Variants in CNTNAP2 observed in about 807,000 individuals in gnomAD.
CNTNAP2 encodes contactin associated protein 2.
In CNTNAP2, 98 loss-of-function variants were observed where a neutral mutation model predicts 155.2. The ratio of observed to expected loss-of-function variants is 0.63; its 90% confidence interval spans 0.54 to 0.75. The LOEUF is 0.75. Among genes scored for constraint, CNTNAP2 ranks in the 30% least tolerant of loss-of-function variants. The pLI is 0.00. For synonymous variants in CNTNAP2, 651 were observed against 631.2 expected, an observed-to-expected ratio of 1.03 and a Z score of -0.47; for missense variants, 1,727 against 1,688.1, an observed-to-expected ratio of 1.02 and a Z score of -0.40.
intron 9 of CNTNAP2, among the ~76,000 whole-genome samples, chr7:147,393,060 A>ACCAAG (rs1281293130): frequency 2.0e-5 from 3 of 152,064 alleles, no homozygotes; most frequent in African/African-American, 7.2e-5. Flanking sequence ...GATCTCAGAG[A>ACCAAG]CCAAGTTGCA....
intron 12 of CNTNAP2, among the ~76,000 whole-genome samples, chr7:147,638,614 G>T (rs1310476925): frequency 2.0e-5 from 3 of 152,106 alleles, no homozygotes; most frequent in Admixed American, 1.3e-4. Flanking sequence ...TGCCTAAAAG[G>T]TCAGTGTGAA....
chr7:147,437,532 T>G (rs886081146), intron 10 of CNTNAP2, among the ~76,000 whole-genome samples: 2 of 152,116 alleles, frequency 1.3e-5, no homozygotes, highest in African/African-American at 4.8e-5. Flanking sequence ...TTGTTTTTGG[T>G]TTCTGAATTC....
intron 17 of CNTNAP2, among the ~76,000 whole-genome samples, chr7:148,153,168 C>T (rs1373680119): frequency 6.7e-6 from 1 of 149,166 alleles, no homozygotes; most frequent in African/African-American, 2.5e-5. Context: ...CTAGACTTTT[C>T]TTGCTGTGTG....
intron 1 of CNTNAP2, among the ~76,000 whole-genome samples, chr7:146,603,892 C>G (rs1008711884): frequency 7.0e-6 from 1 of 142,596 alleles, no homozygotes; most frequent in African/African-American, 2.6e-5. Context: ...GAAACTGGAT[C>G]CCTCCCTTAC....
chr7:146,299,821 T>G lies in CNTNAP2; in HGVS notation c.97+182848T>G, dbSNP rs117654743. ...CTTAAGTTAGAGATGAGAAAAAGCATGGGAGGCTACCTTCTGAATATTGAA... is the reference window on the plus strand; with the variant it reads ...CTTAAGTTAGAGATGAGAAAAAGCAGGGGAGGCTACCTTCTGAATATTGAA... On this transcript the variant is annotated intron_variant, in intron 1 of 23. Coordinates refer to ENST00000361727, the MANE Select transcript of CNTNAP2 (RefSeq NM_014141.6). Among the ~76,000 whole-genome samples, 441 of 152,202 alleles carry G rather than the reference T, an allele frequency of 2.9e-3. 8 individuals carry two copies. The East Asian group carries it at 0.057, about 20-fold the overall frequency.
chr7:147,634,066 G>T (rs977381948), intron 12 of CNTNAP2, among the ~76,000 whole-genome samples: 2 of 152,126 alleles, frequency 1.3e-5, no homozygotes, highest in African/African-American at 2.4e-5. Context: ...AAGAACTAAA[G>T]GTAGAGCTAC....
At chr7:147,134,982 C>G (rs2129285837) in intron 8 of CNTNAP2, among the ~76,000 whole-genome samples, 1 of 151,946 alleles carries the variant, frequency 6.6e-6, no homozygotes, top group Non-Finnish European at 1.5e-5. Flanking sequence ...AATATAGAGA[C>G]TCTCAGATAC....
At chr7:147,080,540 C>A (rs1800101509) in intron 4 of CNTNAP2, among the ~76,000 whole-genome samples, 1 of 151,456 alleles carries the variant, frequency 6.6e-6, no homozygotes, top group Admixed American at 6.6e-5. Context: ...AATCAAAAGG[C>A]CAATGATATC....
chr7:148,256,417 G>C (rs552015198), intron 20 of CNTNAP2, among the ~76,000 whole-genome samples: 21 of 152,064 alleles, frequency 1.4e-4, no homozygotes, highest in African/African-American at 5.1e-4. Context: ...GTCCAAGAAG[G>C]CTTCCTAACT....
At chr7:146,952,355 T>C (rs892607074) in intron 3 of CNTNAP2, among the ~76,000 whole-genome samples, 12 of 152,166 alleles carry the variant, frequency 7.9e-5, no homozygotes, top group African/African-American at 2.9e-4. Flanking sequence ...AGCATTCCAT[T>C]TGAAAACTGG....
At chr7:146,854,881 G>A (rs552491510) in intron 3 of CNTNAP2, among the ~76,000 whole-genome samples, 2 of 151,898 alleles carry the variant, frequency 1.3e-5, no homozygotes, top group South Asian at 4.2e-4. Flanking sequence ...TATTATTTTT[G>A]TTGTTGTTGT....
At chr7:146,572,608 T>C (rs1181974848) in intron 1 of CNTNAP2, among the ~76,000 whole-genome samples, 8 of 152,164 alleles carry the variant, frequency 5.3e-5, no homozygotes, top group African/African-American at 1.9e-4. Flanking sequence ...GACATGAACA[T>C]ATTCTCCAAA....
intron 10 of CNTNAP2, among the ~76,000 whole-genome samples, chr7:147,472,152 G>A (rs1798232163): frequency 6.7e-6 from 1 of 149,662 alleles, no homozygotes; most frequent in African/African-American, 2.5e-5. Flanking sequence ...ACATACAAGA[G>A]CTCATTTCTT....
chr7:147,864,102 G>A (rs967416470), intron 13 of CNTNAP2, among the ~76,000 whole-genome samples: 4 of 151,878 alleles, frequency 2.6e-5, no homozygotes, highest in African/African-American at 9.7e-5. Flanking sequence ...ATTAATTTTT[G>A]TATATGATGT....
At chr7:146,728,670 G>A (rs1801474599) in intron 1 of CNTNAP2, among the ~76,000 whole-genome samples, 1 of 150,000 alleles carries the variant, frequency 6.7e-6, no homozygotes, top group African/African-American at 2.4e-5. Context: ...ATTAAAACAT[G>A]TATTAACTAG....
chr7:147,733,625 A>G (rs1228977684), intron 13 of CNTNAP2, among the ~76,000 whole-genome samples: 1 of 152,176 alleles, frequency 6.6e-6, no homozygotes, highest in African/African-American at 2.4e-5. Context: ...GGCCATTTTC[A>G]TGATATTGAT....
At chr7:147,375,189 A>G (rs1796414599) in intron 9 of CNTNAP2, among the ~76,000 whole-genome samples, 1 of 151,928 alleles carries the variant, frequency 6.6e-6, no homozygotes, top group Non-Finnish European at 1.5e-5. Context: ...TCCTTTACAA[A>G]TTACCCAGTC....
chr7:147,940,504 A>G (rs1800700061), intron 14 of CNTNAP2, among the ~76,000 whole-genome samples: 1 of 151,614 alleles, frequency 6.6e-6, no homozygotes. Context: ...CATAAAAGAG[A>G]TTCTTTCATT....
At chr7:148,366,234 A>G (rs1461937411) in intron 21 of CNTNAP2, among the ~76,000 whole-genome samples, 1 of 148,942 alleles carries the variant, frequency 6.7e-6, no homozygotes, top group African/African-American at 2.6e-5. Flanking sequence ...ATATAGGTGT[A>G]TATGTGTATG....
Sources: allele counts gnomAD v4.1 joint callset (sites outside exome capture counted in the v4.1 genomes callset), GRCh38; gene constraint gnomAD v4.1.1; transcripts MANE v1.5; gene names NCBI Gene and HGNC (gene_info 2026-07-23, HGNC 2026-07-21).